The following PHACTR4 variants were observed in gnomAD, a reference collection of about 807,000 sequenced individuals.
PHACTR4 encodes protein phosphatase 1, regulatory subunit 124.
In PHACTR4, 51 loss-of-function variants were observed where a neutral mutation model predicts 72.7. The observed-to-expected ratio is 0.70, with a 90% CI of 0.56 to 0.89. The LOEUF (loss-of-function observed/expected upper bound fraction) is 0.89, where lower values mean the gene tolerates loss of function less well. Ranked by LOEUF, PHACTR4 falls within the 40% of genes least tolerant of loss-of-function variation. The pLI is 0.00. For synonymous variants in PHACTR4, 255 were observed against 302.5 expected (o/e 0.84, Z 1.63); for missense variants, 731 against 861.8 (o/e 0.85, Z 1.90).
At chr1:28,487,269 G>A (rs11805185) in intron 9 of PHACTR4, among the ~76,000 whole-genome samples, 4,881 of 151,928 alleles carry the variant, frequency 0.032, 117 homozygotes, top group African/African-American at 0.046. Flanking sequence ...GGGAGGCTGC[G>A]GCAGGAGAAT....
intron 13 of PHACTR4, 149 bp from the exon 14 acceptor site, chr1:28,496,382 TGAG>T (rs1661363758): frequency 2.5e-6 from 2 of 786,156 alleles, no homozygotes; most frequent in Middle Eastern, 3.3e-4. Flanking sequence ...AGGAAGCAGA[TGAG>T]GAGTATCAGA....
At chr1:28,495,071 G>A (rs1398364311) in intron 13 of PHACTR4, among the ~76,000 whole-genome samples, 1 of 152,166 alleles carries the variant, frequency 6.6e-6, no homozygotes, top group Non-Finnish European at 1.5e-5. Flanking sequence ...TTGGATTCCA[G>A]AGATGAAATA....
intron 8 of PHACTR4, among the ~76,000 whole-genome samples, chr1:28,478,575 G>A (rs1310988233): frequency 1.3e-5 from 2 of 152,104 alleles, no homozygotes; most frequent in African/African-American, 2.4e-5. Flanking sequence ...GGGATTACAG[G>A]TGTGTATCAC....
At chr1:28,476,417 G>A in intron 8 of PHACTR4, 126 bp downstream of exon 8, 1 of 946,578 alleles carries the variant, frequency 1.1e-6, no homozygotes, top group East Asian at 3.0e-5. Context: ...CTGGCTAACT[G>A]ATGTTGGAAG....
intron 2 of PHACTR4, among the ~76,000 whole-genome samples, chr1:28,414,427 C>CAAAAAA (rs765271793): frequency 1.3e-4 from 8 of 61,248 alleles, no homozygotes; most frequent in African/African-American, 3.5e-4. Context: ...TCCTCTGTCT[C>CAAAAAA]AAAAAAAAAA....
intron 1 of PHACTR4, among the ~76,000 whole-genome samples, chr1:28,396,306 C>T (rs964191174): frequency 1.4e-4 from 21 of 151,618 alleles, no homozygotes; most frequent in Admixed American, 5.9e-4. Flanking sequence ...TCGAGGCAGG[C>T]GGATCATTTG....
chr1:28,382,839 G>T (rs1018431452), intron 1 of PHACTR4, among the ~76,000 whole-genome samples: 2 of 151,880 alleles, frequency 1.3e-5, no homozygotes, highest in Non-Finnish European at 2.9e-5. Context: ...TGTTGCCCAG[G>T]CTGGAGTACA....
intron 9 of PHACTR4, among the ~76,000 whole-genome samples, chr1:28,483,044 T>C (rs1200716419): frequency 6.6e-6 from 1 of 152,000 alleles, no homozygotes; most frequent in Non-Finnish European, 1.5e-5. Context: ...GAAATTGTTC[T>C]CTGCAATTTC....
chr1:28,473,765 C>G lies in PHACTR4; in HGVS notation c.1035C>G (p.Pro345=), dbSNP rs36099122. 352 of 1,613,928 alleles carry G rather than the reference C, an allele frequency of 2.2e-4. No homozygotes were observed. Among genetic ancestry groups the G allele is most frequent in the African/African-American group, 2.0e-3 (149 of 74,914 alleles). The change falls in exon 7 of 14, where the codon CCC becomes CCG. Residue 345 remains proline, a synonymous_variant. Transcript: ENST00000373839. The part of the protein sequence containing the change: ...LPMISPRSPS[P]PLPTHIPPEP... ...TGATCTCACCTCGCTCTCCGTCCCCCCCACTGCCTACTCATATACCTCCAG... is the reference window on the plus strand; with the variant it reads ...TGATCTCACCTCGCTCTCCGTCCCCGCCACTGCCTACTCATATACCTCCAG...
intron 1 of PHACTR4, among the ~76,000 whole-genome samples, chr1:28,390,742 G>A (rs555673581): frequency 2.0e-5 from 3 of 152,000 alleles, no homozygotes; most frequent in African/African-American, 4.8e-5. Context: ...GCAGTGAGCC[G>A]AGATCACGCC....
intron 1 of PHACTR4, among the ~76,000 whole-genome samples, chr1:28,372,236 T>G (rs942069421): frequency 1.3e-5 from 2 of 152,046 alleles, no homozygotes; most frequent in Admixed American, 6.6e-5. Flanking sequence ...GAAAAATAGG[T>G]TAATTCGTGT....
intron 2 of PHACTR4, among the ~76,000 whole-genome samples, chr1:28,443,538 CCT>C (rs1165667476): frequency 6.6e-6 from 1 of 151,996 alleles, no homozygotes; most frequent in Non-Finnish European, 1.5e-5. Flanking sequence ...GCTTCAGCCT[CCT>C]AGATTCAAGC....
chr1:28,496,291 C>T (rs549533790), intron 13 of PHACTR4, among the ~76,000 whole-genome samples: 12 of 151,574 alleles, frequency 7.9e-5, no homozygotes, highest in African/African-American at 2.9e-4. Context: ...CTCCTGACCT[C>T]TTGATCCGCC....
chr1:28,433,905 T>G (rs201110597), intron 2 of PHACTR4, among the ~76,000 whole-genome samples: 1 of 152,112 alleles, frequency 6.6e-6, no homozygotes, highest in Non-Finnish European at 1.5e-5. Flanking sequence ...CTCAGCCTCC[T>G]GAGTAGCTGG....
At position 28,369,811 on chromosome 1, in the gene PHACTR4, G is replaced by A. The variant is rs1307500211; in HGVS notation, c.-53G>A. Reference sequence around the variant, plus strand: ...GGCTGCTGTGGAGGCTGAGGAGGCGGCGGCGGAGATCTGGGTAAGTTCAGC... The same window carrying A: ...GGCTGCTGTGGAGGCTGAGGAGGCGACGGCGGAGATCTGGGTAAGTTCAGC... On this transcript the variant is annotated 5_prime_UTR_variant, in exon 1 of 14. Transcript: ENST00000373839. 3 of 459,354 alleles carry A rather than the reference G, an allele frequency of 6.5e-6. No homozygotes were observed. Among genetic ancestry groups the A allele is most frequent in the South Asian group, 4.7e-5 (3 of 64,372 alleles). The allele number at this position is 459,354 out of a possible 1,614,324, so 28.5% of individuals were successfully genotyped here.
intron 4 of PHACTR4, among the ~76,000 whole-genome samples, chr1:28,463,986 C>G (rs1220845902): frequency 1.3e-5 from 2 of 152,012 alleles, no homozygotes. Flanking sequence ...CCGCCTCAGC[C>G]TCCCAAATTG....
At chr1:28,387,732 A>ATT (rs529132196) in intron 1 of PHACTR4, among the ~76,000 whole-genome samples, 41,572 of 147,162 alleles carry the variant, frequency 0.28, 5,876 homozygotes, top group Middle Eastern at 0.35. Context: ...ACAAAAAACA[A>ATT]TTTTTTTTTT....
At chr1:28,439,322 T>C (rs1656836748) in intron 2 of PHACTR4, among the ~76,000 whole-genome samples, 1 of 141,588 alleles carries the variant, frequency 7.1e-6, no homozygotes, top group Non-Finnish European at 1.6e-5. Context: ...ACAAAAAATG[T>C]TGGTGACTTA....
intron 2 of PHACTR4, among the ~76,000 whole-genome samples, chr1:28,433,679 A>G (rs1656438737): frequency 6.6e-6 from 1 of 151,206 alleles, no homozygotes; most frequent in Non-Finnish European, 1.5e-5. Context: ...GCTGGTCTCA[A>G]ACTCCTGACC....
Sources: allele counts gnomAD v4.1 joint callset (sites outside exome capture counted in the v4.1 genomes callset), GRCh38; gene constraint gnomAD v4.1.1; transcripts MANE v1.5; gene names NCBI Gene and HGNC (gene_info 2026-07-23, HGNC 2026-07-21).